RGS7: variants seen among roughly 807,000 people sequenced by gnomAD.
The protein encoded by RGS7 is regulator of G-protein signaling 7.
A neutral mutation model predicts 81.1 loss-of-function variants in RGS7; 27 were observed. That is an observed-to-expected ratio of 0.33 (90% CI 0.25 to 0.46). The LOEUF is 0.46. Among genes scored for constraint, RGS7 ranks in the 20% least tolerant of loss-of-function variants. The pLI is 1.00. For missense variants in RGS7, 396 were observed against 607.4 expected (o/e 0.65, Z 3.66); for synonymous variants, 208 against 207.7 (o/e 1.00, Z -0.01).
At chr1:240,974,754 TA>T (rs1173281959) in intron 4 of RGS7, among the ~76,000 whole-genome samples, 1 of 152,232 alleles carries the variant, frequency 6.6e-6, no homozygotes, top group African/African-American at 2.4e-5. Flanking sequence ...TATGCATTTC[TA>T]AAAAATTCAA....
chr1:241,065,204 TAG>T (rs537451657), intron 3 of RGS7, among the ~76,000 whole-genome samples: 3,811 of 84,468 alleles, frequency 0.045, 145 homozygotes, highest in African/African-American at 0.1. Context: ...AGATATATCA[TAG>T]AGATATATAT....
chr1:241,207,805 G>C (rs1354313607), intron 2 of RGS7, among the ~76,000 whole-genome samples: 1 of 152,132 alleles, frequency 6.6e-6, no homozygotes, highest in Non-Finnish European at 1.5e-5. Flanking sequence ...CTAAATTACT[G>C]CCACTAGAAA....
Position 241,163,611 on chromosome 1 carries a change from AG to A in RGS7, c.79-64850del, listed in dbSNP as rs2103213271. 6.6e-6 allele frequency among the ~76,000 whole-genome samples: 1 copy of A among 152,138 alleles called. No individual in the cohort carries two copies. The highest frequency in any genetic ancestry group is 1.5e-5 in the Non-Finnish European group (1 of 68,010). On this transcript the variant is annotated intron_variant, in intron 2 of 18. Coordinates refer to ENST00000440928, the MANE Select transcript of RGS7 (RefSeq NM_001364886.1). This position sits in a 1 kb window ranked among gnomAD's most constrained non-coding sequence, Gnocchi z 4.6. ...CCTGTGAGATTTCATCTACATAACAAGTGATCTTTGCTAGCCAGGGCTCCTC... is the reference window on the plus strand; with the variant it reads ...CCTGTGAGATTTCATCTACATAACAATGATCTTTGCTAGCCAGGGCTCCTC...
chr1:241,132,919 A>C (rs57156990), intron 2 of RGS7, among the ~76,000 whole-genome samples: 7,372 of 151,812 alleles, frequency 0.049, 536 homozygotes, highest in African/African-American at 0.16. Flanking sequence ...CCCACCACCA[A>C]GCCCGGCTAA....
chr1:241,035,114 A>C (rs944635452), intron 3 of RGS7, among the ~76,000 whole-genome samples: 1 of 152,178 alleles, frequency 6.6e-6, no homozygotes, highest in African/African-American at 2.4e-5. Flanking sequence ...GAGAAGAGGC[A>C]TCATCCTTTC....
At chr1:240,955,551 C>CAAAAAAAAAAAAAAAAAAAAAAAAA (rs369155474) in intron 4 of RGS7, among the ~76,000 whole-genome samples, 14 of 140,274 alleles carry the variant, frequency 1.0e-4, no homozygotes, top group Non-Finnish European at 1.4e-4. Flanking sequence ...GACTCTGTCT[C>CAAAAAAAAAAAAAAAAAAAAAAAAA]AAAAAAAAAA....
chr1:240,991,067 C>G (rs1050215096), intron 3 of RGS7, among the ~76,000 whole-genome samples: 2 of 152,192 alleles, frequency 1.3e-5, no homozygotes, highest in African/African-American at 4.8e-5. Context: ...GTAATTACTA[C>G]TACTGTGTTC....
At chr1:241,175,402 C>G (rs1326291300) in intron 2 of RGS7, among the ~76,000 whole-genome samples, 1 of 152,128 alleles carries the variant, frequency 6.6e-6, no homozygotes, top group Non-Finnish European at 1.5e-5. Context: ...TTGTCTGGTT[C>G]TCTGAGTGCC....
At chr1:240,977,733 A>G (rs1161098746) in intron 4 of RGS7, among the ~76,000 whole-genome samples, 1 of 152,218 alleles carries the variant, frequency 6.6e-6, no homozygotes, top group Non-Finnish European at 1.5e-5. Context: ...AAACAGCAGA[A>G]TATATGTGAG....
At chr1:240,890,778 CA>C (rs1668163182) in intron 6 of RGS7, among the ~76,000 whole-genome samples, 1 of 152,100 alleles carries the variant, frequency 6.6e-6, no homozygotes, top group Admixed American at 6.6e-5. Flanking sequence ...TCTTGTTGCA[CA>C]GCTAATAAAT....
chr1:241,249,923 A>C (rs906692250), intron 2 of RGS7, among the ~76,000 whole-genome samples: 6 of 152,052 alleles, frequency 3.9e-5, no homozygotes, highest in Non-Finnish European at 7.4e-5. Flanking sequence ...ACTCATAAAC[A>C]TAACAGTTAC....
At chr1:241,184,438 A>G (rs1300616230) in intron 2 of RGS7, among the ~76,000 whole-genome samples, 1 of 152,232 alleles carries the variant, frequency 6.6e-6, no homozygotes, top group African/African-American at 2.4e-5. Context: ...GGCATCTCAT[A>G]GGTAATGATA....
At chr1:241,016,764 T>C (rs995504176) in intron 3 of RGS7, among the ~76,000 whole-genome samples, 1 of 152,160 alleles carries the variant, frequency 6.6e-6, no homozygotes, top group Non-Finnish European at 1.5e-5. Flanking sequence ...TGTGGTCTAA[T>C]TTTTTAGTGC....
chr1:240,786,953 G>A (rs1331019616), intron 18 of RGS7, among the ~76,000 whole-genome samples: 2 of 151,958 alleles, frequency 1.3e-5, no homozygotes, highest in Non-Finnish European at 1.5e-5. Flanking sequence ...TAAACTACTA[G>A]AACTTGAATT....
chr1:241,151,772 C>T (rs150532489), intron 2 of RGS7, among the ~76,000 whole-genome samples: 1 of 151,990 alleles, frequency 6.6e-6, no homozygotes, highest in East Asian at 1.9e-4. Flanking sequence ...AGAAGACACA[C>T]TATAGGATAA....
chr1:240,935,449 A>G (rs1676459511), intron 5 of RGS7, among the ~76,000 whole-genome samples: 1 of 152,192 alleles, frequency 6.6e-6, no homozygotes, highest in African/African-American at 2.4e-5. Flanking sequence ...AGCTCCATTA[A>G]TGTAAAGCTT....
At chr1:241,062,704 C>G (rs775329793) in intron 3 of RGS7, among the ~76,000 whole-genome samples, 25 of 152,156 alleles carry the variant, frequency 1.6e-4, no homozygotes, top group Non-Finnish European at 3.1e-4. Context: ...GTCTTTGCTT[C>G]CCTATAAATA....
At chr1:241,069,656 G>A (rs1455889836) in intron 3 of RGS7, among the ~76,000 whole-genome samples, 1 of 152,162 alleles carries the variant, frequency 6.6e-6, no homozygotes, top group Non-Finnish European at 1.5e-5. Flanking sequence ...AACCATCCAT[G>A]AGGGTGTGGC....
chr1:241,168,237 G>A (rs888042100), intron 2 of RGS7, among the ~76,000 whole-genome samples: 2 of 152,094 alleles, frequency 1.3e-5, no homozygotes, highest in Admixed American at 1.3e-4. Flanking sequence ...CAGCAAATAT[G>A]GTGGATTCAG....
Sources: gnomAD v4.1 joint callset for allele counts (sites outside exome capture counted in the v4.1 genomes callset) on GRCh38, gnomAD v4.1.1 for gene constraint, Gnocchi (gnomAD v3.1) non-coding constraint, MANE v1.5 for transcripts, NCBI Gene and HGNC (gene_info 2026-07-23, HGNC 2026-07-21) for gene names.